The following ST6GAL1 variants were observed in gnomAD, a reference collection of about 807,000 sequenced individuals.
The protein encoded by ST6GAL1 is beta-galactoside alpha-2,6-sialyltransferase 1.
Under a neutral mutation model 38.0 loss-of-function variants are expected in ST6GAL1, and 20 were observed. The ratio of observed to expected loss-of-function variants is 0.53; its 90% CI spans 0.37 to 0.77. ST6GAL1 has a LOEUF of 0.77. ST6GAL1 is among the 30% of genes least tolerant of loss of function. The pLI is 0.00. For missense variants in ST6GAL1, 432 were observed against 496.4 expected, an observed-to-expected ratio of 0.87 and a Z score of 1.23; for synonymous variants, 196 against 188.2, an observed-to-expected ratio of 1.04 and a Z score of -0.34.
At chr3:187,015,448 C>T (rs963425916) in intron 2 of ST6GAL1, among the ~76,000 whole-genome samples, 1 of 152,176 alleles carries the variant, frequency 6.6e-6, no homozygotes, top group Non-Finnish European at 1.5e-5. Context: ...CTTGCACATT[C>T]ACTGAAAATC....
chr3:186,955,235 G>A (rs544689065), intron 1 of ST6GAL1, among the ~76,000 whole-genome samples: 109 of 151,934 alleles, frequency 7.2e-4, no homozygotes, highest in Non-Finnish European at 1.3e-3. Context: ...TTACTGTAGC[G>A]TTGTAGTATA....
chr3:186,950,748 G>T (rs556674593), intron 1 of ST6GAL1, among the ~76,000 whole-genome samples: 3 of 152,192 alleles, frequency 2.0e-5, no homozygotes, highest in Non-Finnish European at 4.4e-5. Context: ...GATAGTTAAG[G>T]ATATACATTT....
chr3:187,066,597 CGTGCGTGTGT>C (rs1365927278), intron 5 of ST6GAL1, among the ~76,000 whole-genome samples: 4 of 116,938 alleles, frequency 3.4e-5, no homozygotes, highest in Non-Finnish European at 5.7e-5. Flanking sequence ...GATGTGCGTG[CGTGCGTGTGT>C]GTGTGTGTGT....
At chr3:187,059,900 C>A (rs896971282) in intron 5 of ST6GAL1, among the ~76,000 whole-genome samples, 5 of 152,104 alleles carry the variant, frequency 3.3e-5, no homozygotes, top group African/African-American at 1.2e-4. Flanking sequence ...ACTAGGAGAG[C>A]CCTGAAAGGG....
rs778042990 is a variant in ST6GAL1, at chr3:187,076,976, GT to G, written c.*1185del. On this transcript the variant is annotated 3_prime_UTR_variant, in exon 8 of 8. Coordinates refer to ENST00000169298, the MANE Select transcript of ST6GAL1 (RefSeq NM_173216.2). Reference sequence around the variant, plus strand: ...CCAAATCTTCTCCTAACCACCATCTGTTTTTTTTTTTTAAAGCATTTTTTGC... The same window carrying G: ...CCAAATCTTCTCCTAACCACCATCTGTTTTTTTTTTTAAAGCATTTTTTGC... The G allele has an allele frequency of 7.3e-4, 273 of 374,876 alleles. 2 individuals carry two copies. The South Asian group carries it at 0.017, about 23-fold the overall frequency. The allele number at this position is 374,876 out of a possible 1,614,324, so 23.2% of individuals were successfully genotyped here.
chr3:186,946,829 G>A (rs945687228), intron 1 of ST6GAL1, among the ~76,000 whole-genome samples: 2 of 152,134 alleles, frequency 1.3e-5, no homozygotes, highest in Admixed American at 1.3e-4. Context: ...GAGTGGGAAC[G>A]GAGATACAGA....
intron 1 of ST6GAL1, among the ~76,000 whole-genome samples, chr3:186,944,605 A>T (rs1263516210): frequency 6.6e-6 from 1 of 152,254 alleles, no homozygotes; most frequent in Non-Finnish European, 1.5e-5. Context: ...GACATTGGGG[A>T]TAAAAACAAT....
chr3:186,987,239 A>G (rs910300555), intron 2 of ST6GAL1, among the ~76,000 whole-genome samples: 2 of 151,628 alleles, frequency 1.3e-5, no homozygotes, highest in South Asian at 2.1e-4. Context: ...AGGAAGGAAG[A>G]AAGGAAAGAA....
chr3:186,996,256 A>G (rs868249777), intron 2 of ST6GAL1, among the ~76,000 whole-genome samples: 3 of 152,198 alleles, frequency 2.0e-5, no homozygotes, highest in East Asian at 1.9e-4. Context: ...CAGATAGACA[A>G]TTGTGTTTTT....
intron 5 of ST6GAL1, among the ~76,000 whole-genome samples, chr3:187,053,720 A>G (rs1385825040): frequency 1.3e-5 from 2 of 152,218 alleles, no homozygotes; most frequent in East Asian, 3.8e-4. Flanking sequence ...TATAGTTTGA[A>G]GTCAAGTAGC....
chr3:186,942,095 T>G (rs1714199532), intron 1 of ST6GAL1, among the ~76,000 whole-genome samples: 1 of 152,004 alleles, frequency 6.6e-6, no homozygotes. Context: ...AATGGCCACT[T>G]AGGCCCCCTG....
At chr3:187,013,961 G>C (rs7619989) in intron 2 of ST6GAL1, among the ~76,000 whole-genome samples, 95,375 of 152,058 alleles carry the variant, frequency 0.63, 30,297 homozygotes, top group East Asian at 0.85. Flanking sequence ...ATGACACTCC[G>C]GAAAATTTCA....
In ST6GAL1 at chr3:186,947,133, A is replaced by G. The variant is rs935702362; in HGVS notation, c.-325+16299A>G. Among the ~76,000 whole-genome samples, 5 of 152,122 alleles carry G rather than the reference A, an allele frequency of 3.3e-5. No homozygotes were observed. In the East Asian group the frequency reaches 9.6e-4, roughly 29 times the overall value. On this transcript the variant is annotated intron_variant, in intron 1 of 7. Transcript: ENST00000169298. ...GGTTGGAGAAGCAAGGATGAAGGAA[A>G]ACATGGCTGCTGTTAATACAGTGTG...
intron 2 of ST6GAL1, chr3:187,021,984 CT>C (rs1255987660): frequency 5.3e-5 from 8 of 152,114 alleles, no homozygotes; most frequent in Non-Finnish European, 8.8e-5. Context: ...CTGCAGCATC[CT>C]TGATGATAAA....
At chr3:186,971,237 CG>C (rs1715339085) in intron 2 of ST6GAL1, among the ~76,000 whole-genome samples, 2 of 152,076 alleles carry the variant, frequency 1.3e-5, no homozygotes, top group Non-Finnish European at 2.9e-5. Context: ...TACAGGTGTG[CG>C]CCACCATGCC....
chr3:187,052,811 C>T (rs1418455180), intron 5 of ST6GAL1, among the ~76,000 whole-genome samples: 1 of 152,052 alleles, frequency 6.6e-6, no homozygotes, highest in Non-Finnish European at 1.5e-5. Flanking sequence ...GGGTATATAC[C>T]CAGTAATGGG....
chr3:186,958,594 C>T (rs1273068748), intron 1 of ST6GAL1, among the ~76,000 whole-genome samples: 1 of 152,136 alleles, frequency 6.6e-6, no homozygotes, highest in Admixed American at 6.5e-5. Context: ...TGCTGTTTCT[C>T]CTTACAGCCT....
At chr3:187,016,847 C>T (rs1008774051) in intron 2 of ST6GAL1, among the ~76,000 whole-genome samples, 2 of 152,194 alleles carry the variant, frequency 1.3e-5, no homozygotes, top group Non-Finnish European at 2.9e-5. Context: ...GTGTTGCTGC[C>T]TCTTCATTTG....
intron 4 of ST6GAL1, among the ~76,000 whole-genome samples, chr3:187,047,210 G>C (rs1718329618): frequency 6.6e-6 from 1 of 151,194 alleles, no homozygotes; most frequent in East Asian, 1.9e-4. Context: ...CTCCCAAAGT[G>C]CTGGGATTAC....
Sources: allele counts gnomAD v4.1 joint callset (sites outside exome capture counted in the v4.1 genomes callset), GRCh38; gene constraint gnomAD v4.1.1; transcripts MANE v1.5; gene names NCBI Gene and HGNC (gene_info 2026-07-23, HGNC 2026-07-21).